Variants in HYDIN observed in about 807,000 individuals in gnomAD.
HYDIN encodes the protein HYDIN axonemal central pair apparatus protein.
HYDIN carries 132 observed loss-of-function variants against 403.9 expected under a neutral mutation model. The ratio of observed to expected loss-of-function variants is 0.33; its 90% CI spans 0.28 to 0.38. The LOEUF is 0.38. Ranked by LOEUF, HYDIN falls within the 10% of genes least tolerant of loss-of-function variation. HYDIN has a pLI of 1.00. For missense variants in HYDIN, 2,827 were observed against 5,009.5 expected (o/e 0.56, Z 13.15); for synonymous variants, 1,202 against 1,891.7 (o/e 0.64, Z 9.46).
intron 3 of HYDIN, among the ~76,000 whole-genome samples, chr16:71,182,809 G>T (rs941149943): frequency 3.9e-5 from 6 of 152,086 alleles, no homozygotes; most frequent in African/African-American, 1.2e-4. Flanking sequence ...GTTCACAAGA[G>T]AAAGAAGTTC....
rs770556149 is a variant in HYDIN at position 71,064,771 on chromosome 16, C to T, written c.2145G>A (p.Pro715=). Residue 715 remains proline (P), a synonymous_variant, in exon 16 of 86, where the codon CCG becomes CCA. Transcript: ENST00000393567. ...VDFGHCFLKY[P]YEKTLQLANQ... ...TGGCAAGCTGGAGTGTTTTCTCATA[C>T]GGGTACTTCAGGAAGCAGTGCCCAA... 2.1e-5 allele frequency: 34 copies of T among 1,613,820 alleles called. No individual in the cohort carries two copies. The East Asian group carries it at 2.9e-4, about 14-fold the overall frequency.
chr16:71,166,187 T>C (rs1256159977), intron 5 of HYDIN, among the ~76,000 whole-genome samples: 4 of 140,328 alleles, frequency 2.9e-5, no homozygotes, highest in South Asian at 2.5e-4. Context: ...ATGTTAACTG[T>C]CCTTATCAGA....
intron 73 of HYDIN, among the ~76,000 whole-genome samples, chr16:70,851,394 C>T (rs115929004): frequency 0.025 from 3,731 of 151,496 alleles, 53 homozygotes; most frequent in Non-Finnish European, 0.036. Flanking sequence ...AAACAAGTAA[C>T]GCCATTAAAA....
chr16:70,808,659 C>A (rs549671012), intron 85 of HYDIN, among the ~76,000 whole-genome samples: 164 of 152,306 alleles, frequency 1.1e-3, no homozygotes, highest in Non-Finnish European at 1.9e-3. Context: ...CTGCACCTAA[C>A]CTAGCATCTC....
intron 23 of HYDIN, among the ~76,000 whole-genome samples, chr16:70,994,513 C>T (rs2079465668): frequency 6.6e-6 from 1 of 151,830 alleles, no homozygotes; most frequent in East Asian, 1.9e-4. Context: ...CTGACTTTAC[C>T]TCTGGCTGAA....
At chr16:71,009,286 T>C (rs2079996087) in intron 23 of HYDIN, among the ~76,000 whole-genome samples, 1 of 147,878 alleles carries the variant, frequency 6.8e-6, no homozygotes, top group Non-Finnish European at 1.5e-5. Context: ...GAAGAGACAC[T>C]AGGTGCAGGT....
chr16:71,204,473 G>A (rs904889808), intron 1 of HYDIN, among the ~76,000 whole-genome samples: 4 of 152,204 alleles, frequency 2.6e-5, no homozygotes, highest in Non-Finnish European at 4.4e-5. Context: ...GACCGTTCTC[G>A]ATTGAGTGCT....
intron 40 of HYDIN, among the ~76,000 whole-genome samples, chr16:70,954,677 G>C (rs1209046284): frequency 6.6e-6 from 1 of 152,104 alleles, no homozygotes; most frequent in Non-Finnish European, 1.5e-5. Flanking sequence ...TGTCGGGTTG[G>C]CCGGCCCAGG....
chr16:71,127,237 T>C (rs207476147), intron 9 of HYDIN, among the ~76,000 whole-genome samples: 72 of 150,904 alleles, frequency 4.8e-4, no homozygotes, highest in Admixed American at 2.2e-3. Context: ...AAAGACTAAA[T>C]AGCACAGGAG....
intron 5 of HYDIN, among the ~76,000 whole-genome samples, chr16:71,174,202 T>C (rs2086575178): frequency 6.6e-6 from 1 of 152,144 alleles, no homozygotes; most frequent in Non-Finnish European, 1.5e-5. Context: ...AGTGGCAAAA[T>C]TATAGCAATG....
intron 66 of HYDIN, among the ~76,000 whole-genome samples, chr16:70,866,640 C>A (rs796571351): frequency 6.6e-6 from 1 of 150,854 alleles, no homozygotes; most frequent in Non-Finnish European, 1.5e-5. Context: ...AACATCTTTC[C>A]GGGAGGAAAG....
At chr16:70,810,755 G>A (rs192771385) in intron 84 of HYDIN, among the ~76,000 whole-genome samples, 15 of 152,148 alleles carry the variant, frequency 9.9e-5, no homozygotes, top group South Asian at 6.2e-4. Context: ...ACTTGAACCC[G>A]GGAAGGAGAG....
At chr16:71,078,586 C>A (rs1462336209) in intron 13 of HYDIN, among the ~76,000 whole-genome samples, 1 of 152,144 alleles carries the variant, frequency 6.6e-6, no homozygotes, top group Non-Finnish European at 1.5e-5. Context: ...CTCACTGCAG[C>A]CTCCAACTCC....
intron 39 of HYDIN, among the ~76,000 whole-genome samples, chr16:70,958,060 A>T (rs2078296431): frequency 6.7e-6 from 1 of 150,180 alleles, no homozygotes; most frequent in African/African-American, 2.5e-5. Flanking sequence ...GAAAGAATAC[A>T]ATTCAAACAA....
chr16:71,040,176 C>T (rs1464194225), intron 18 of HYDIN, among the ~76,000 whole-genome samples: 1 of 152,132 alleles, frequency 6.6e-6, no homozygotes, highest in African/African-American at 2.4e-5. Flanking sequence ...CTTGCTGGTG[C>T]CGATGCGGTT....
intron 23 of HYDIN, among the ~76,000 whole-genome samples, chr16:71,004,633 G>A (rs1346990055): frequency 2.3e-4 from 35 of 152,072 alleles, no homozygotes; most frequent in Non-Finnish European, 4.4e-5. Context: ...TTTGGTGAAT[G>A]TTTTACATTT....
At chr16:70,851,380 C>G (rs182103353) in intron 73 of HYDIN, among the ~76,000 whole-genome samples, 1 of 151,602 alleles carries the variant, frequency 6.6e-6, no homozygotes, top group Non-Finnish European at 1.5e-5. Flanking sequence ...ATTGAACAAG[C>G]AAAAAACAAG....
chr16:71,163,735 A>G (rs542322848), intron 5 of HYDIN, among the ~76,000 whole-genome samples: 2 of 152,380 alleles, frequency 1.3e-5, no homozygotes, highest in South Asian at 4.1e-4. Context: ...CCTAGCCACA[A>G]TAAGCAGAGT....
At chr16:70,908,626 C>A (rs775967894) in intron 48 of HYDIN, 27 bp downstream of exon 48, 5 of 1,480,344 alleles carry the variant, frequency 3.4e-6, no homozygotes, top group Non-Finnish European at 3.7e-6. Flanking sequence ...GCCCAGATTC[C>A]CCTCCCTGGG....
Sources: allele counts gnomAD v4.1 joint callset (sites outside exome capture counted in the v4.1 genomes callset), GRCh38; gene constraint gnomAD v4.1.1; transcripts MANE v1.5; gene names NCBI Gene and HGNC (gene_info 2026-07-23, HGNC 2026-07-21).